The following CDC23 variants were observed in gnomAD, a reference collection of about 807,000 sequenced individuals.
CDC23 encodes cell division cycle protein 23 homolog.
Under a neutral mutation model 81.7 loss-of-function variants are expected in CDC23, and 26 were observed. The observed-to-expected ratio is 0.32, with a 90% CI of 0.23 to 0.44. The LOEUF (loss-of-function observed/expected upper bound fraction) is 0.44. Ranked by LOEUF, CDC23 falls within the 20% of genes least tolerant of loss-of-function variation. The pLI is 1.00. For missense variants in CDC23, 519 were observed against 728.0 expected (o/e 0.71, Z 3.30); for synonymous variants, 267 against 270.8 (o/e 0.99, Z 0.14).
intron 9 of CDC23, among the ~76,000 whole-genome samples, chr5:138,192,959 T>C (rs1754842968): frequency 6.6e-6 from 1 of 152,200 alleles, no homozygotes; most frequent in Non-Finnish European, 1.5e-5. Flanking sequence ...AGACAAAGTC[T>C]TGCTTTGTCA....
chr5:138,192,694 A>G lies in CDC23; in HGVS notation c.1013-37T>C, dbSNP rs188808954. On this transcript the variant is annotated intron_variant, in intron 9 of 15. Transcript: ENST00000394886. ...TCAAACAAAAAAATGAATAATCAGA[A>G]AGGTAAAAATAAAAGTCCATTAAAA... is the stretch of plus-strand genomic sequence containing the variant. The G allele has an allele frequency of 6.1e-5, 97 of 1,583,718 alleles. 1 individual carries two copies. In the African/African-American group the frequency reaches 1.3e-3, roughly 21 times the overall value.
chr5:138,196,373 C>A (rs1191041512), intron 9 of CDC23, among the ~76,000 whole-genome samples: 1 of 151,750 alleles, frequency 6.6e-6, no homozygotes, highest in Non-Finnish European at 1.5e-5. Context: ...TCACTGCAAC[C>A]TCGGCCTCCT....
chr5:138,208,891 T>C (rs1318103180), intron 2 of CDC23, among the ~76,000 whole-genome samples: 4 of 152,154 alleles, frequency 2.6e-5, no homozygotes, highest in Non-Finnish European at 5.9e-5. Flanking sequence ...TGGGCTCAAG[T>C]GATCCTCCTC....
chr5:138,194,960 G>A (rs17234891), intron 9 of CDC23, among the ~76,000 whole-genome samples: 103 of 151,944 alleles, frequency 6.8e-4, no homozygotes, highest in African/African-American at 2.3e-3. Context: ...GAGCTCAGGT[G>A]ATCCACCCGC....
intron 3 of CDC23, among the ~76,000 whole-genome samples, chr5:138,202,472 C>T (rs752677564): frequency 1.3e-5 from 2 of 152,106 alleles, no homozygotes; most frequent in African/African-American, 2.4e-5. Flanking sequence ...TTAGTTGCGA[C>T]GAGGTTTCAT....
chr5:138,199,070 G>A (rs17234856), intron 6 of CDC23, among the ~76,000 whole-genome samples: 2,458 of 152,242 alleles, frequency 0.016, 44 homozygotes, highest in African/African-American at 0.046. Flanking sequence ...GAAGACAATA[G>A]TCTAGACACG....
chr5:138,202,064 T>G (rs1454473332), intron 4 of CDC23, 49 bp downstream of exon 4: 1 of 1,436,588 alleles, frequency 7.0e-7, no homozygotes, highest in Non-Finnish European at 9.7e-7. Flanking sequence ...GGCATTTAAG[T>G]TTGCAACCCT....
rs756887792 is a variant in CDC23 at position 138,201,191 on chromosome 5, A to G, written c.570T>C (p.Asp190=). ...RKLDLVKEAI[D]VFVEATHVLP... is the part of the protein sequence containing the mutation. Reference sequence around the variant, plus strand: ...AAACATGAGTAGCTTCCACAAACACATCAATGGCCTCTTTAACCAAGTCCA... The same window carrying G: ...AAACATGAGTAGCTTCCACAAACACGTCAATGGCCTCTTTAACCAAGTCCA... The change falls in exon 6 of 16, where the codon GAT becomes GAC. Residue 190 remains aspartate, a synonymous_variant. Transcript: ENST00000394886. The G allele has an allele frequency of 1.5e-5, 25 of 1,614,190 alleles. 1 individual carries two copies. The South Asian group carries it at 2.3e-4, about 15-fold the overall frequency.
At position 138,189,063 on chromosome 5, in the gene CDC23, G is replaced by A. The variant is rs372760634; in HGVS notation, c.1709C>T (p.Pro570Leu). Residue 570 changes from proline (P) to leucine (L), a missense_variant, in exon 16 of 16, where the codon CCC becomes CTC. By Grantham distance (98) the Pro-to-Leu change is moderately conservative (BLOSUM62 -3). This residue lies in a region of CDC23 where 38 missense variants were observed against 34.7 expected (regional missense o/e 1.10). Coordinates refer to ENST00000394886, the MANE Select transcript of CDC23 (RefSeq NM_004661.4). ...AGAGAGTGAAGCAGGTAGGAAAAAG[G>A]GAGCAGGCACCTCGGTGGTAGGAGT... ...GETPTTEVPAPFFLPASLSAN... is the reference protein window; with the variant it reads ...GETPTTEVPALFFLPASLSAN... 24 of 1,614,022 alleles carry A rather than the reference G, an allele frequency of 1.5e-5. No individual in the cohort carries two copies. The highest frequency in any genetic ancestry group is 1.6e-4 in the Middle Eastern group (1 of 6,082).
chr5:138,192,756 C>T (rs1754840582), intron 9 of CDC23, 99 bp from the exon 10 acceptor site: 3 of 1,043,244 alleles, frequency 2.9e-6, no homozygotes, highest in Non-Finnish European at 2.8e-6. Context: ...GAAACCATAA[C>T]CCATTCCCTC....
chr5:138,207,090 G>A (rs1755058718), intron 2 of CDC23, among the ~76,000 whole-genome samples: 1 of 151,992 alleles, frequency 6.6e-6, no homozygotes, highest in Admixed American at 6.6e-5. Context: ...ATGTTGGCCA[G>A]GCTGGTCTCA....
chr5:138,210,748 T>C (rs1338325613), intron 2 of CDC23, among the ~76,000 whole-genome samples: 1 of 152,196 alleles, frequency 6.6e-6, no homozygotes, highest in African/African-American at 2.4e-5. Flanking sequence ...TACTTTACAA[T>C]AATTCAATAA....
In CDC23 at chr5:138,198,298, G is replaced by A; in HGVS notation, c.931-18C>T. 1 of 1,606,824 alleles carries A rather than the reference G, an allele frequency of 6.2e-7. No homozygotes were observed. Among genetic ancestry groups the A allele is most frequent in the Non-Finnish European group, 8.5e-7 (1 of 1,173,928 alleles). On this transcript the variant is annotated intron_variant, in intron 8 of 15. Coordinates refer to ENST00000394886, the MANE Select transcript of CDC23 (RefSeq NM_004661.4). The stretch of plus-strand genomic sequence containing the variant: ...TTCATGCTCTGGGATAAAAGAAAAA[G>A]ACAATATAAGCATGAAAAAAGAACT...
Position 138,200,989 on chromosome 5 carries a change from C to T in CDC23, c.654+118G>A, listed in dbSNP as rs962084804. The stretch of plus-strand genomic sequence containing the variant: ...CAAAACAGCGAAAAGACACCAGAGG[C>T]GCAGCAAAGGGAGAACTATAACCAA... On this transcript the variant is annotated intron_variant, in intron 6 of 15. Coordinates refer to ENST00000394886, the MANE Select transcript of CDC23 (RefSeq NM_004661.4). 1.6e-5 allele frequency: 17 copies of T among 1,086,278 alleles called. No homozygotes were observed. In the African/African-American group the frequency reaches 2.2e-4, roughly 14 times the overall value. The allele number at this position is 1,086,278 out of a possible 1,614,324, so 67.3% of individuals were successfully genotyped here.
intron 11 of CDC23, 25 bp downstream of exon 11, chr5:138,192,244 C>A (rs114552772): frequency 6.2e-7 from 1 of 1,613,552 alleles, no homozygotes; most frequent in African/African-American, 1.3e-5. Context: ...CCATATCAGA[C>A]GCATTGTCAA....
Position 138,206,616 on chromosome 5 carries a change from C to T in CDC23, c.303G>A (p.Arg101=), listed in dbSNP as rs1755052417. 2 of 1,613,846 alleles carry T rather than the reference C, an allele frequency of 1.2e-6. No homozygotes were observed. Among genetic ancestry groups the T allele is most frequent in the East Asian group, 4.5e-5 (2 of 44,872 alleles). Residue 101 remains arginine (R), a synonymous_variant, in exon 3 of 16, where the codon CGG becomes CGA. Coordinates refer to ENST00000394886, the MANE Select transcript of CDC23 (RefSeq NM_004661.4). The stretch of plus-strand genomic sequence containing the variant: ...TGCAGCCATGCAGGAAATGTGCTGC[C>T]CGATCATACTCTTTAACGTCAAAGT... ...KAYFDVKEYD[R]AAHFLHGCNS...
intron 9 of CDC23, among the ~76,000 whole-genome samples, chr5:138,194,701 A>G (rs1259311350): frequency 2.0e-5 from 3 of 146,888 alleles, no homozygotes; most frequent in Non-Finnish European, 4.5e-5. Context: ...CAATAAAACT[A>G]TGTGTTTTTT....
intron 9 of CDC23, among the ~76,000 whole-genome samples, chr5:138,195,713 AAT>A (rs1289832125): frequency 1.1e-4 from 7 of 64,188 alleles, no homozygotes; most frequent in South Asian, 5.0e-4. Context: ...ATATACATAT[AAT>A]ATATATGTAT....
In CDC23 at chr5:138,201,434, C is replaced by A. The variant is rs1269491488; in HGVS notation, c.430G>T (p.Gly144Ter). Residue 144 changes from glycine (G) to a stop codon, truncating the protein, a stop_gained, in exon 5 of 16, where the codon GGA (glycine) becomes TGA (stop). Coordinates refer to ENST00000394886, the MANE Select transcript of CDC23 (RefSeq NM_004661.4). LOFTEE classifies it high-confidence loss of function. ...CTAAGCGCCTCATTTTTCACTTGTCCTTTTTCCAGGGGGCCTAGGAAAGAA... is the reference window on the plus strand; with the variant it reads ...CTAAGCGCCTCATTTTTCACTTGTCATTTTTCCAGGGGGCCTAGGAAAGAA... ...TVDSLGPLEK[G>*]QVKNEALREL... 1 of 1,613,352 alleles carries A rather than the reference C, an allele frequency of 6.2e-7. No individual in the cohort carries two copies. The highest frequency in any genetic ancestry group is 8.5e-7 in the Non-Finnish European group (1 of 1,179,532).
Sources: allele counts gnomAD v4.1 joint callset (sites outside exome capture counted in the v4.1 genomes callset), GRCh38; gene constraint gnomAD v4.1.1; regional missense constraint gnomAD v4.1.1; transcripts MANE v1.5; gene names NCBI Gene and HGNC (gene_info 2026-07-23, HGNC 2026-07-21).